Variants in NME9 observed in about 807,000 individuals in gnomAD.
NME9 encodes NME/NM23 family member 9.
In NME9, 48 loss-of-function variants were observed where a neutral mutation model predicts 44.4. That is an observed-to-expected ratio of 1.08 (90% CI 0.86 to 1.37). The LOEUF (loss-of-function observed/expected upper bound fraction) is 1.37. NME9 is among the 40% of genes most tolerant of loss of function. NME9 has a pLI of 0.00. For synonymous variants in NME9, 139 were observed against 147.1 expected (o/e 0.94, Z 0.40); for missense variants, 325 against 405.2 (o/e 0.80, Z 1.70).
intron 10 of NME9, 55 bp downstream of exon 10, chr3:138,303,452 A>T (rs895478756): frequency 6.2e-6 from 9 of 1,448,592 alleles, no homozygotes; most frequent in Non-Finnish European, 7.7e-6. Flanking sequence ...GCACATAGTT[A>T]CAAATTCCTT....
At chr3:138,319,165 A>G (rs1348926592) in intron 3 of NME9, among the ~76,000 whole-genome samples, 1 of 152,134 alleles carries the variant, frequency 6.6e-6, no homozygotes, top group Non-Finnish European at 1.5e-5. Flanking sequence ...CCACCACTGC[A>G]CTCCAGCCTG....
At chr3:138,306,320 T>C (rs2052255996) in intron 7 of NME9, 78 bp downstream of exon 7, 1 of 1,080,110 alleles carries the variant, frequency 9.3e-7, no homozygotes, top group Non-Finnish European at 1.4e-6. Flanking sequence ...AAGATATCAC[T>C]GCCCAGTGCC....
chr3:138,308,187 T>C (rs905957718), intron 6 of NME9, among the ~76,000 whole-genome samples: 20 of 152,160 alleles, frequency 1.3e-4, no homozygotes, highest in African/African-American at 3.9e-4. Flanking sequence ...CAATCACTGA[T>C]TTTCTCTTCA....
intron 4 of NME9, among the ~76,000 whole-genome samples, chr3:138,317,680 A>G (rs946428360): frequency 3.3e-5 from 5 of 152,230 alleles, no homozygotes; most frequent in African/African-American, 1.2e-4. Flanking sequence ...AGGAGTATCT[A>G]TTTTTACTAA....
chr3:138,325,255 T>C (rs1213646921), intron 1 of NME9, among the ~76,000 whole-genome samples: 1 of 152,220 alleles, frequency 6.6e-6, no homozygotes, highest in Admixed American at 6.5e-5. Flanking sequence ...ATTTTGAAAT[T>C]TGTGTTTTCA....
intron 9 of NME9, among the ~76,000 whole-genome samples, chr3:138,304,405 C>G (rs2052077780): frequency 6.6e-6 from 1 of 152,198 alleles, no homozygotes; most frequent in African/African-American, 2.4e-5. Flanking sequence ...CCAAGCAAGC[C>G]CAGTGCAATG....
intron 10 of NME9, 93 bp downstream of exon 10, chr3:138,303,414 A>G: frequency 9.7e-7 from 1 of 1,030,190 alleles, no homozygotes. Flanking sequence ...CTTAGTTACC[A>G]AAAATTATCA....
intron 8 of NME9, chr3:138,289,102 A>G (rs2050704703): frequency 1.2e-6 from 2 of 1,612,934 alleles, no homozygotes; most frequent in Admixed American, 3.3e-5. Context: ...ATCAAACCTC[A>G]TATGGAATGA....
chr3:138,304,989 T>G lies in NME9; in HGVS notation c.675A>C (p.Gly225=). 1 of 1,614,092 alleles carries G rather than the reference T, an allele frequency of 6.2e-7. No individual in the cohort carries two copies. The highest frequency in any genetic ancestry group is 8.5e-7 in the Non-Finnish European group (1 of 1,179,988). The change falls in exon 9 of 11, where the codon GGA becomes GGC. Residue 225 remains glycine, a synonymous_variant. Coordinates refer to ENST00000333911, the MANE Select transcript of NME9 (RefSeq NM_001349018.2). The part of the protein sequence containing the change: ...FEKLVHHMCS[G]PSHLLILTRT... ...TGGTGAGGATCAGGAGGTGGCTTGGTCCACTGCACATGTGATGTACCAGCT... is the reference window on the plus strand; with the variant it reads ...TGGTGAGGATCAGGAGGTGGCTTGGGCCACTGCACATGTGATGTACCAGCT...
intron 4 of NME9, among the ~76,000 whole-genome samples, 156 bp downstream of exon 4, chr3:138,317,992 C>A (rs1337349003): frequency 6.6e-6 from 1 of 151,940 alleles, no homozygotes; most frequent in African/African-American, 2.4e-5. Flanking sequence ...GACTGGGAGG[C>A]ATCAGAGAAA....
chr3:138,327,660 G>T (rs1216036835), intron 1 of NME9, among the ~76,000 whole-genome samples: 2 of 152,140 alleles, frequency 1.3e-5, no homozygotes, highest in Non-Finnish European at 2.9e-5. Context: ...AGAGGACAAG[G>T]TTCCTGGGTT....
At chr3:138,295,761 C>T (rs2051430194) in intron 8 of NME9, 3 of 1,417,736 alleles carry the variant, frequency 2.1e-6, no homozygotes, top group African/African-American at 1.4e-5. Context: ...TGGAGATTTA[C>T]TTTTTTAGAC....
chr3:138,274,772 C>T (rs968454893), intron 8 of NME9, among the ~76,000 whole-genome samples: 3 of 152,184 alleles, frequency 2.0e-5, no homozygotes, highest in Non-Finnish European at 4.4e-5. Flanking sequence ...CTGTGTCATG[C>T]ACTGTGCACA....
intron 8 of NME9, among the ~76,000 whole-genome samples, chr3:138,275,288 T>G (rs1197211378): frequency 6.6e-6 from 1 of 152,174 alleles, no homozygotes; most frequent in Non-Finnish European, 1.5e-5. Flanking sequence ...ACGGGTACAG[T>G]GGCTCATGCC....
rs372886178 is a variant in NME9, at chr3:138,315,427, G to A, written c.384+100C>T. ...TGAAACTTTTATGAAGCTGTCCACC[G>A]ACAGCTCCAGGAAAGTCAGGTGAAG... On this transcript the variant is annotated intron_variant, in intron 5 of 10. Coordinates refer to ENST00000333911, the MANE Select transcript of NME9 (RefSeq NM_001349018.2). 1.2e-4 allele frequency: 92 copies of A among 759,210 alleles called. 1 individual carries two copies. In the South Asian group the frequency reaches 1.4e-3, roughly 12 times the overall value. The allele number at this position is 759,210 out of a possible 1,614,324, so 47.0% of individuals were successfully genotyped here.
intron 8 of NME9, among the ~76,000 whole-genome samples, chr3:138,265,047 G>A (rs1402450576): frequency 2.6e-5 from 4 of 151,910 alleles, no homozygotes; most frequent in Non-Finnish European, 4.4e-5. Flanking sequence ...ACAGGTATGT[G>A]CCACTATGCC....
chr3:138,309,365 T>C (rs1466849800), intron 6 of NME9, among the ~76,000 whole-genome samples: 1 of 151,520 alleles, frequency 6.6e-6, no homozygotes, highest in Non-Finnish European at 1.5e-5. Context: ...AATACTAATA[T>C]GCAAAAAGAA....
At chr3:138,284,005 C>T (rs911735977) in intron 8 of NME9, among the ~76,000 whole-genome samples, 5 of 152,148 alleles carry the variant, frequency 3.3e-5, no homozygotes, top group African/African-American at 1.2e-4. Flanking sequence ...GGGAGGCTTC[C>T]CTGGGAGGGG....
chr3:138,309,350 A>G (rs2052527760), intron 6 of NME9, among the ~76,000 whole-genome samples: 1 of 152,022 alleles, frequency 6.6e-6, no homozygotes, highest in African/African-American at 2.4e-5. Context: ...AATCTGAAAG[A>G]AAAAAATACT....
Sources: gnomAD v4.1 joint callset for allele counts (sites outside exome capture counted in the v4.1 genomes callset) on GRCh38, gnomAD v4.1.1 for gene constraint, MANE v1.5 for transcripts, NCBI Gene and HGNC (gene_info 2026-07-23, HGNC 2026-07-21) for gene names.